Variants in THSD7B observed in about 807,000 individuals in gnomAD.
THSD7B encodes the protein thrombospondin type 1 domain containing 7B, also known as thrombospondin type-1 domain-containing protein 7B.
A neutral mutation model predicts 213.6 loss-of-function variants in THSD7B; 138 were observed. The ratio of observed to expected loss-of-function variants is 0.65; its 90% CI spans 0.56 to 0.74. THSD7B has a LOEUF of 0.74. Among genes scored for constraint, THSD7B ranks in the 30% least tolerant of loss-of-function variants. The pLI, the probability that THSD7B is intolerant of heterozygous loss-of-function variation, is 0.00. For missense variants in THSD7B, 1,931 were observed against 1,991.5 expected (o/e 0.97, Z 0.58); for synonymous variants, 742 against 687.0 (o/e 1.08, Z -1.25).
chr2:136,799,036 C>G (rs1418188263), intron 1 of THSD7B, among the ~76,000 whole-genome samples: 1 of 152,040 alleles, frequency 6.6e-6, no homozygotes, highest in Non-Finnish European at 1.5e-5. Context: ...TCTAAAGTCT[C>G]CCTTTGCAGG....
intron 1 of THSD7B, among the ~76,000 whole-genome samples, chr2:136,833,363 CAAAA>C (rs10639590): frequency 4.0e-4 from 22 of 55,476 alleles, no homozygotes; most frequent in African/African-American, 9.8e-4. Flanking sequence ...GACTCCGTCT[CAAAA>C]AAAAAAAAAA....
At chr2:137,286,061 G>A (rs935227779) in intron 12 of THSD7B, among the ~76,000 whole-genome samples, 3 of 148,142 alleles carry the variant, frequency 2.0e-5, no homozygotes, top group South Asian at 2.2e-4. Flanking sequence ...CCGAGATCTC[G>A]CCATTTCACA....
At chr2:136,864,671 GCCCC>G (rs1683305789) in intron 1 of THSD7B, among the ~76,000 whole-genome samples, 1 of 151,926 alleles carries the variant, frequency 6.6e-6, no homozygotes, top group Admixed American at 6.6e-5. Flanking sequence ...TCCTGCTTCA[GCCCC>G]CCGAGTAGCT....
At chr2:137,554,734 C>T (rs972453261) in intron 15 of THSD7B, among the ~76,000 whole-genome samples, 8 of 152,104 alleles carry the variant, frequency 5.3e-5, no homozygotes, top group Admixed American at 5.2e-4. Flanking sequence ...CGAGCGTGAG[C>T]CAAAGCAGGG....
intron 4 of THSD7B, among the ~76,000 whole-genome samples, chr2:137,097,591 C>T (rs1688062155): frequency 6.6e-6 from 1 of 152,100 alleles, no homozygotes. Flanking sequence ...CATTTGTGTG[C>T]ATCATATTTT....
chr2:137,537,430 T>G (rs1680528257), intron 15 of THSD7B, among the ~76,000 whole-genome samples: 1 of 151,784 alleles, frequency 6.6e-6, no homozygotes, highest in African/African-American at 2.4e-5. Context: ...CTCATTTTAA[T>G]AATATTTTTG....
chr2:137,563,242 T>G lies in THSD7B; in HGVS notation c.3160T>G (p.Tyr1054Asp). 1 of 1,613,432 alleles carries G rather than the reference T, an allele frequency of 6.2e-7. No individual in the cohort carries two copies. The highest frequency in any genetic ancestry group is 8.5e-7 in the Non-Finnish European group (1 of 1,179,556). The change falls in exon 16 of 28, where the codon TAC (tyrosine) becomes GAC (aspartate). Residue 1054 changes from tyrosine (Y) to aspartate (D), a missense_variant. Coordinates refer to ENST00000409968, the MANE Select transcript of THSD7B (RefSeq NM_001316349.2). ...KNQVHEAVPC[Y>D]SECNQYSWVV... ...ACAGGTACATGAGGCAGTCCCATGT[T>G]ACAGTGAGTGCAATCAGTATTCCTG...
intron 15 of THSD7B, among the ~76,000 whole-genome samples, chr2:137,546,045 A>G (rs1244745177): frequency 6.6e-6 from 1 of 151,500 alleles, no homozygotes; most frequent in Non-Finnish European, 1.5e-5. Flanking sequence ...GTACTGAGAA[A>G]AAAAACATAA....
intron 3 of THSD7B, among the ~76,000 whole-genome samples, chr2:137,091,076 A>G (rs147957246): frequency 8.5e-4 from 130 of 152,350 alleles, no homozygotes; most frequent in African/African-American, 3.0e-3. Flanking sequence ...CATTAAAAAT[A>G]TGTTAATATG....
chr2:137,056,858 A>G lies in THSD7B; in HGVS notation c.578A>G (p.Lys193Arg), dbSNP rs1284445804. ...TTCTTACCATGGTCCAACTGTAGCA[A>G]GGGATGTGGGAAGAAATTGCAGCAT... Reference protein sequence around the residue: ...SEFLPWSNCSKGCGKKLQHRT... With the variant: ...SEFLPWSNCSRGCGKKLQHRT... Residue 193 changes from lysine (K) to arginine (R), a missense_variant, in exon 3 of 28, where the codon AAG becomes AGG. Lys to Arg is a conservative substitution (Grantham distance 26). Coordinates refer to ENST00000409968, the MANE Select transcript of THSD7B (RefSeq NM_001316349.2). 1.9e-6 allele frequency: 3 copies of G among 1,613,898 alleles called. No individual in the cohort carries two copies. Among genetic ancestry groups the G allele is most frequent in the Middle Eastern group, 1.6e-4 (1 of 6,062 alleles).
intron 2 of THSD7B, among the ~76,000 whole-genome samples, chr2:136,992,817 C>T (rs569716433): frequency 5.3e-5 from 8 of 152,306 alleles, no homozygotes; most frequent in African/African-American, 1.9e-4. Context: ...CAGCCTGATA[C>T]CAGCCCATAG....
chr2:137,588,684 T>TA (rs1553462323), intron 17 of THSD7B, among the ~76,000 whole-genome samples: 4 of 152,088 alleles, frequency 2.6e-5, no homozygotes, highest in Non-Finnish European at 5.9e-5. Flanking sequence ...TATTACTTTT[T>TA]ATCACATAAT....
intron 7 of THSD7B, among the ~76,000 whole-genome samples, chr2:137,213,110 A>G (rs1479954979): frequency 2.0e-5 from 3 of 151,424 alleles, no homozygotes; most frequent in Non-Finnish European, 4.4e-5. Context: ...AGGAAGCTGT[A>G]AAGTCATTTG....
intron 1 of THSD7B, among the ~76,000 whole-genome samples, chr2:136,871,212 G>A (rs965317145): frequency 6.6e-6 from 1 of 152,152 alleles, no homozygotes; most frequent in African/African-American, 2.4e-5. Context: ...AAATGCAGAT[G>A]TTCAGTGGTA....
chr2:137,013,514 G>C (rs1281572151), intron 2 of THSD7B, among the ~76,000 whole-genome samples: 1 of 152,196 alleles, frequency 6.6e-6, no homozygotes, highest in Non-Finnish European at 1.5e-5. Flanking sequence ...GAGGTGGGCA[G>C]AGGGTTCCCA....
intron 4 of THSD7B, among the ~76,000 whole-genome samples, chr2:137,112,226 T>C (rs1688360987): frequency 6.6e-6 from 1 of 152,004 alleles, no homozygotes; most frequent in Non-Finnish European, 1.5e-5. Flanking sequence ...TAGATAGGGC[T>C]TTTGAAAAAA....
intron 20 of THSD7B, among the ~76,000 whole-genome samples, chr2:137,634,920 C>A (rs1164899114): frequency 1.3e-5 from 2 of 152,132 alleles, no homozygotes; most frequent in Admixed American, 1.3e-4. Flanking sequence ...ATTGTCCTCT[C>A]TGCTTCTGTT....
intron 15 of THSD7B, among the ~76,000 whole-genome samples, chr2:137,561,647 T>G (rs113699964): frequency 0.018 from 2,765 of 152,230 alleles, 83 homozygotes; most frequent in African/African-American, 0.062. Flanking sequence ...CAGCTCAATT[T>G]CTTAGTATGT....
chr2:137,070,711 C>A (rs1053220596), intron 3 of THSD7B, among the ~76,000 whole-genome samples: 7 of 152,054 alleles, frequency 4.6e-5, no homozygotes, highest in Non-Finnish European at 8.8e-5. Context: ...ATCCCTCCCC[C>A]TGTCCCCCAC....
Sources: gnomAD v4.1 joint callset for allele counts (sites outside exome capture counted in the v4.1 genomes callset) on GRCh38, gnomAD v4.1.1 for gene constraint, MANE v1.5 for transcripts, NCBI Gene and HGNC (gene_info 2026-07-23, HGNC 2026-07-21) for gene names.